ZNF141: variants seen among roughly 807,000 people sequenced by gnomAD.
The protein encoded by ZNF141 is zinc finger protein 141 (clone pHZ-44).
ZNF141 carries 7 observed loss-of-function variants against 11.3 expected under a neutral mutation model. That is an observed-to-expected ratio of 0.62 (90% confidence interval 0.35 to 1.16). The LOEUF is 1.16. Ranked by LOEUF, ZNF141 falls within the 50% of genes most tolerant of loss-of-function variation. The pLI is 0.02. For synonymous variants in ZNF141, 183 were observed against 190.7 expected, an observed-to-expected ratio of 0.96 and a Z score of 0.33; for missense variants, 535 against 554.0, an observed-to-expected ratio of 0.97 and a Z score of 0.34.
At chr4:338,237 A>G (rs1384049741) in intron 1 of ZNF141, 4 of 456,130 alleles carry the variant, frequency 8.8e-6, no homozygotes, top group South Asian at 6.9e-5. Flanking sequence ...GGTGAGGAGT[A>G]GCTTATCTGG....
At position 381,071 on chromosome 4, in the gene ZNF141, A is replaced by G. The variant is rs1166115393; in HGVS notation, c.*7209A>G. On this transcript the variant is annotated 3_prime_UTR_variant, in exon 4 of 4. Coordinates refer to ENST00000240499, the MANE Select transcript of ZNF141 (RefSeq NM_003441.4). The stretch of plus-strand genomic sequence containing the variant: ...TAGCATAATTTTTACCTATACCTGT[A>G]GTCAGTAAATGCTGTAATGTAATTA... 6.6e-6 allele frequency among the ~76,000 whole-genome samples: 1 copy of G among 152,212 alleles called. No individual in the cohort carries two copies. The highest frequency in any genetic ancestry group is 1.5e-5 in the Non-Finnish European group (1 of 68,024).
intron 3 of ZNF141, among the ~76,000 whole-genome samples, chr4:370,940 G>A (rs1445917702): frequency 6.6e-6 from 1 of 151,684 alleles, no homozygotes; most frequent in Non-Finnish European, 1.5e-5. Context: ...CACCGTGTTA[G>A]CCAGGATGGT....
intron 3 of ZNF141, chr4:358,440 C>T: frequency 3.9e-6 from 1 of 257,520 alleles, no homozygotes; most frequent in Non-Finnish European, 7.7e-6. Flanking sequence ...CCTGCCTCAG[C>T]CTCCTGAAGT....
At chr4:358,796 G>A (rs782773412) in intron 3 of ZNF141, among the ~76,000 whole-genome samples, 10 of 151,718 alleles carry the variant, frequency 6.6e-5, no homozygotes, top group Non-Finnish European at 8.8e-5. Context: ...GGATGGTCAC[G>A]ATCTCCTGAC....
intron 3 of ZNF141, among the ~76,000 whole-genome samples, chr4:354,191 G>A (rs1440178561): frequency 6.6e-6 from 1 of 152,154 alleles, no homozygotes; most frequent in East Asian, 1.9e-4. Context: ...TGAATATCTA[G>A]AGCACTAACC....
intron 3 of ZNF141, among the ~76,000 whole-genome samples, chr4:367,174 A>G (rs1711784274): frequency 6.6e-6 from 1 of 152,170 alleles, no homozygotes; most frequent in Non-Finnish European, 1.5e-5. Flanking sequence ...TTTATTTTAT[A>G]TTATAATTGT....
intron 3 of ZNF141, among the ~76,000 whole-genome samples, chr4:361,078 T>A (rs1008869285): frequency 5.3e-5 from 8 of 152,188 alleles, no homozygotes; most frequent in Non-Finnish European, 1.2e-4. Context: ...TATTTAATTG[T>A]GATGAAAAAC....
chr4:355,531 A>G (rs1038053371), intron 3 of ZNF141, among the ~76,000 whole-genome samples: 3 of 152,070 alleles, frequency 2.0e-5, no homozygotes, highest in South Asian at 4.1e-4. Context: ...CTAGATGTCT[A>G]TTTAGTCTCA....
rs142639261 is a variant in ZNF141, at chr4:378,696, T to C, written c.*4834T>C. On this transcript the variant is annotated 3_prime_UTR_variant, in exon 4 of 4. Coordinates refer to ENST00000240499, the MANE Select transcript of ZNF141 (RefSeq NM_003441.4). ...TACAATCTTGAGGAATTTCTCATAA[T>C]TCTTTGTTTTAGTGGATGCATTTCA... Among the ~76,000 whole-genome samples, 81 of 152,316 alleles carry C rather than the reference T, an allele frequency of 5.3e-4. No homozygotes were observed. The highest frequency in any genetic ancestry group is 1.8e-3 in the African/African-American group (76 of 41,584).
chr4:339,974 G>A (rs955568715), intron 1 of ZNF141, among the ~76,000 whole-genome samples: 2 of 152,190 alleles, frequency 1.3e-5, no homozygotes, highest in Non-Finnish European at 2.9e-5. Context: ...ATGATACATG[G>A]TACTGTCAAG....
Position 379,702 on chromosome 4 carries a change from C to G in ZNF141, c.*5840C>G, listed in dbSNP as rs1290460337. Among the ~76,000 whole-genome samples the G allele has an allele frequency of 6.6e-6, 1 of 152,136 alleles. No individual in the cohort carries two copies. Among genetic ancestry groups the G allele is most frequent in the Non-Finnish European group, 1.5e-5 (1 of 68,020 alleles). Reference sequence around the variant, plus strand: ...TGGTTATTATATTACAAAAACAGCACAAAAACTATATATTTTTTATAATAC... The same window carrying G: ...TGGTTATTATATTACAAAAACAGCAGAAAAACTATATATTTTTTATAATAC... On this transcript the variant is annotated 3_prime_UTR_variant, in exon 4 of 4. Coordinates refer to ENST00000240499, the MANE Select transcript of ZNF141 (RefSeq NM_003441.4).
intron 1 of ZNF141, chr4:343,001 G>A (rs1418327042): frequency 9.2e-6 from 8 of 869,156 alleles, no homozygotes; most frequent in Non-Finnish European, 1.3e-5. Context: ...GGTTAAAAAA[G>A]TATTAAAAAA....
intron 1 of ZNF141, 115 bp downstream of exon 1, chr4:338,101 G>A: frequency 6.9e-7 from 1 of 1,452,910 alleles, no homozygotes; most frequent in Non-Finnish European, 9.5e-7. Flanking sequence ...CTCAGCCCTG[G>A]GGCCTCAGTA....
At chr4:347,938 G>A (rs1172333927) in intron 3 of ZNF141, among the ~76,000 whole-genome samples, 3 of 151,140 alleles carry the variant, frequency 2.0e-5, no homozygotes, top group Non-Finnish European at 4.4e-5. Context: ...TCTGTCTCTC[G>A]GGTTCAAGCG....
intron 3 of ZNF141, among the ~76,000 whole-genome samples, chr4:346,878 T>TACACACACAC (rs377666294): frequency 3.3e-5 from 4 of 120,244 alleles, no homozygotes; most frequent in African/African-American, 1.4e-4. Context: ...TATATATGTA[T>TACACACACAC]ACACACACAC....
At chr4:345,729 CAA>C (rs1321182710) in intron 3 of ZNF141, among the ~76,000 whole-genome samples, 39 of 64,586 alleles carry the variant, frequency 6.0e-4, no homozygotes, top group South Asian at 2.3e-3. Flanking sequence ...ACTCTGTCTC[CAA>C]AAAAAAAAAA....
In ZNF141 at chr4:365,406, C is replaced by T. The variant is rs147881339; in HGVS notation, c.227-7258C>T. ...CTCAGTTGGAAGTGCAGAAATCACC[C>T]GTCTTTTACGTCAGTCACGCTGTGA... On this transcript the variant is annotated intron_variant, in intron 3 of 3. Coordinates refer to ENST00000240499, the MANE Select transcript of ZNF141 (RefSeq NM_003441.4). Among the ~76,000 whole-genome samples the T allele has an allele frequency of 5.9e-3, 903 of 152,276 alleles. 15 individuals are homozygous for T. In the South Asian group the frequency reaches 0.063, roughly 11 times the overall value.
In ZNF141 at chr4:379,031, G is replaced by C. The variant is rs1225640657; in HGVS notation, c.*5169G>C. Among the ~76,000 whole-genome samples the C allele has an allele frequency of 2.0e-5, 3 of 151,840 alleles. No homozygotes were observed. Among genetic ancestry groups the C allele is most frequent in the Non-Finnish European group, 4.4e-5 (3 of 67,958 alleles). On this transcript the variant is annotated 3_prime_UTR_variant, in exon 4 of 4. Transcript: ENST00000240499. The stretch of plus-strand genomic sequence containing the variant: ...AGCTAATTTTTGTATTTTTAATAGA[G>C]ATGAGGTTTCACTCTGTTGGCCAGG...
At chr4:355,665 G>C (rs1488698525) in intron 3 of ZNF141, among the ~76,000 whole-genome samples, 1 of 152,080 alleles carries the variant, frequency 6.6e-6, no homozygotes, top group Non-Finnish European at 1.5e-5. Flanking sequence ...GCAGCATATT[G>C]TTGATTTTTA....
Sources: gnomAD v4.1 joint callset for allele counts (sites outside exome capture counted in the v4.1 genomes callset) on GRCh38, gnomAD v4.1.1 for gene constraint, MANE v1.5 for transcripts, NCBI Gene and HGNC (gene_info 2026-07-23, HGNC 2026-07-21) for gene names.